ESRRG: variants seen among roughly 807,000 people sequenced by gnomAD.
The protein encoded by ESRRG is estrogen-related receptor gamma.
Under a neutral mutation model 44.0 loss-of-function variants are expected in ESRRG, and 13 were observed. That is an observed-to-expected ratio of 0.30 (90% confidence interval 0.19 to 0.47). The LOEUF is 0.47. ESRRG is among the 20% of genes least tolerant of loss of function. The probability of loss-of-function intolerance (pLI) is 1.00; values close to 1 mark genes in which losing one functional copy is unlikely to be tolerated. For missense variants in ESRRG, 395 were observed against 580.6 expected (o/e 0.68, Z 3.29); for synonymous variants, 215 against 214.6 (o/e 1.00, Z -0.02).
In ESRRG at chr1:216,733,036, T is replaced by C. The variant is rs984706097; in HGVS notation, c.-13-55545A>G. On this transcript the variant is annotated intron_variant, in intron 2 of 7. Transcript: ENST00000359162. ...AGAGACTTAAAGAGGAGCAAAATCA[T>C]TCCTCATTAAGACAGAAGCAACAAT... Among the ~76,000 whole-genome samples the C allele has an allele frequency of 2.7e-5, 4 of 148,392 alleles. No homozygotes were observed. In the Admixed American group the frequency reaches 2.7e-4, roughly 10 times the overall value.
intron 2 of ESRRG, among the ~76,000 whole-genome samples, chr1:216,935,620 A>ACT (rs578013253): frequency 1.4e-5 from 2 of 146,178 alleles, no homozygotes; most frequent in Admixed American, 1.4e-4. Context: ...CAGTTTAGGA[A>ACT]TTTTTTTTTT....
chr1:216,827,078 G>T (rs2148687136), intron 2 of ESRRG, among the ~76,000 whole-genome samples: 1 of 152,222 alleles, frequency 6.6e-6, no homozygotes, highest in South Asian at 2.1e-4. Context: ...CATAGAAAAA[G>T]CCTGAAAAAA....
chr1:216,777,467 C>T (rs1408112435), intron 2 of ESRRG, among the ~76,000 whole-genome samples: 2 of 152,090 alleles, frequency 1.3e-5, no homozygotes, highest in African/African-American at 4.8e-5. Context: ...TTATTCCACT[C>T]ATTTTGTTGA....
intron 2 of ESRRG, among the ~76,000 whole-genome samples, chr1:216,842,032 G>T (rs1372461250): frequency 6.6e-6 from 1 of 152,034 alleles, no homozygotes; most frequent in Non-Finnish European, 1.5e-5. Flanking sequence ...AAAATTAATT[G>T]ATCTAGAAGC....
intron 2 of ESRRG, among the ~76,000 whole-genome samples, chr1:216,736,813 A>G (rs1234964469): frequency 6.6e-6 from 1 of 152,128 alleles, no homozygotes; most frequent in African/African-American, 2.4e-5. Context: ...AGATCCCAGC[A>G]GTCTGTGTTT....
chr1:216,700,345 G>T (rs1024825243), intron 1 of ESRRG, among the ~76,000 whole-genome samples: 1 of 152,060 alleles, frequency 6.6e-6, no homozygotes, highest in African/African-American at 2.4e-5. Flanking sequence ...AGATGTTTCC[G>T]TGACAAATTA....
chr1:216,928,381 G>A (rs1224074801), intron 2 of ESRRG, among the ~76,000 whole-genome samples: 2 of 152,060 alleles, frequency 1.3e-5, no homozygotes, highest in East Asian at 3.9e-4. Context: ...AACAAGGGAA[G>A]GTTAAAAAGA....
At chr1:216,688,883 T>C (rs1184992971) in intron 1 of ESRRG, among the ~76,000 whole-genome samples, 1 of 152,090 alleles carries the variant, frequency 6.6e-6, no homozygotes, top group African/African-American at 2.4e-5. Flanking sequence ...GGTGTATATA[T>C]TCAGAAAGAG....
upstream of ESRRG, among the ~76,000 whole-genome samples, chr1:216,728,418 G>A (rs1416618): frequency 0.062 from 9,325 of 150,026 alleles, 358 homozygotes; most frequent in African/African-American, 0.091. Context: ...CAAAATCCCT[G>A]TTTTTAAAAG....
intron 3 of ESRRG, among the ~76,000 whole-genome samples, chr1:216,644,875 A>C (rs2067217865): frequency 6.6e-6 from 1 of 152,202 alleles, no homozygotes; most frequent in African/African-American, 2.4e-5. Flanking sequence ...GCCATTTAAA[A>C]TTATATAAGC....
chr1:216,831,349 C>T (rs1460967156), intron 2 of ESRRG, among the ~76,000 whole-genome samples: 1 of 152,130 alleles, frequency 6.6e-6, no homozygotes, highest in Non-Finnish European at 1.5e-5. Flanking sequence ...GCAAAAATTA[C>T]ATTTAAAAAT....
At chr1:216,628,886 C>A (rs2063628039) in intron 3 of ESRRG, among the ~76,000 whole-genome samples, 2 of 152,218 alleles carry the variant, frequency 1.3e-5, no homozygotes, top group South Asian at 4.1e-4. Context: ...TCATCCATGA[C>A]CCTTTGGCCA....
chr1:216,651,243 G>A (rs2068863283), intron 2 of ESRRG, among the ~76,000 whole-genome samples, 154 bp from the exon 3 acceptor site: 1 of 152,092 alleles, frequency 6.6e-6, no homozygotes, highest in African/African-American at 2.4e-5. Flanking sequence ...CATCAAGCTG[G>A]ATGCTCTGCT....
chr1:216,652,271 T>C (rs1559036144), intron 2 of ESRRG, among the ~76,000 whole-genome samples: 1 of 152,204 alleles, frequency 6.6e-6, no homozygotes, highest in Non-Finnish European at 1.5e-5. Context: ...AGAGTCTGCC[T>C]GGGACCACAG....
chr1:216,792,772 T>C (rs1376309559), intron 2 of ESRRG, among the ~76,000 whole-genome samples: 3 of 152,122 alleles, frequency 2.0e-5, no homozygotes, highest in Admixed American at 2.0e-4. Context: ...GCATGAAATG[T>C]AGTGGCACAT....
intron 1 of ESRRG, among the ~76,000 whole-genome samples, chr1:216,716,553 T>C (rs972602615): frequency 2.6e-5 from 4 of 151,900 alleles, no homozygotes; most frequent in Non-Finnish European, 5.9e-5. Flanking sequence ...CCAAAGCATA[T>C]TACACATAAT....
At chr1:217,006,340 T>A (rs935182657) in intron 1 of ESRRG, among the ~76,000 whole-genome samples, 1 of 152,140 alleles carries the variant, frequency 6.6e-6, no homozygotes, top group Non-Finnish European at 1.5e-5. Flanking sequence ...CATATACAAC[T>A]TTAATTCTAC....
chr1:217,029,213 C>T (rs1003454902), intron 1 of ESRRG, among the ~76,000 whole-genome samples: 1 of 152,176 alleles, frequency 6.6e-6, no homozygotes, highest in Admixed American at 6.5e-5. Flanking sequence ...TCAGCTTTTG[C>T]ATGATTAACC....
intron 1 of ESRRG, among the ~76,000 whole-genome samples, chr1:216,955,929 G>T (rs1469379895): frequency 6.6e-6 from 1 of 152,024 alleles, no homozygotes; most frequent in Non-Finnish European, 1.5e-5. Context: ...TGTGTTTCTT[G>T]TGTATTCTGG....
Sources: gnomAD v4.1 joint callset for allele counts (sites outside exome capture counted in the v4.1 genomes callset) on GRCh38, gnomAD v4.1.1 for gene constraint, MANE v1.5 for transcripts, NCBI Gene and HGNC (gene_info 2026-07-23, HGNC 2026-07-21) for gene names.